NR3C2: variants seen among roughly 807,000 people sequenced by gnomAD.
NR3C2 encodes the protein mineralocorticoid receptor.
NR3C2 carries 15 observed loss-of-function variants against 86.4 expected under a neutral mutation model. The ratio of observed to expected loss-of-function variants is 0.17; its 90% CI spans 0.12 to 0.27. The LOEUF (loss-of-function observed/expected upper bound fraction) is 0.27, where lower values mean the gene tolerates loss of function less well. Among genes scored for constraint, NR3C2 ranks in the 10% least tolerant of loss-of-function variants. The pLI, the probability that NR3C2 is intolerant of heterozygous loss-of-function variation, is 1.00. For synonymous variants in NR3C2, 458 were observed against 450.5 expected, an observed-to-expected ratio of 1.02 and a Z score of -0.21; for missense variants, 960 against 1,195.6, an observed-to-expected ratio of 0.80 and a Z score of 2.91.
intron 6 of NR3C2, among the ~76,000 whole-genome samples, chr4:148,133,540 C>A (rs1733134007): frequency 6.6e-6 from 1 of 152,206 alleles, no homozygotes; most frequent in Non-Finnish European, 1.5e-5. Context: ...CGTTACCAGA[C>A]TATTGTTTGG....
At chr4:148,104,158 T>C (rs1377095169) in intron 8 of NR3C2, among the ~76,000 whole-genome samples, 2 of 152,160 alleles carry the variant, frequency 1.3e-5, no homozygotes, top group African/African-American at 4.8e-5. Context: ...CCACCACCTC[T>C]CACTGTAAGC....
chr4:148,177,240 A>G (rs1327458598), intron 4 of NR3C2, among the ~76,000 whole-genome samples: 2 of 152,224 alleles, frequency 1.3e-5, no homozygotes, highest in Non-Finnish European at 2.9e-5. Context: ...GCATTTTATA[A>G]TTTGACAAAT....
rs72645619 is a variant in NR3C2, at chr4:148,430,516, T to A, written c.1757+4588A>T. On this transcript the variant is annotated intron_variant, in intron 2 of 8. Transcript: ENST00000358102. The stretch of plus-strand genomic sequence containing the variant: ...CATTTTAAAATAATTTACAAAAATA[T>A]TTAAAATATTTACCTGGTGAAATTC... Among the ~76,000 whole-genome samples the A allele has an allele frequency of 2.3e-3, 344 of 152,260 alleles. 1 individual carries two copies. The highest frequency in any genetic ancestry group is 7.3e-3 in the African/African-American group (303 of 41,544).
At chr4:148,304,954 A>G (rs1742539122) in intron 2 of NR3C2, among the ~76,000 whole-genome samples, 1 of 150,666 alleles carries the variant, frequency 6.6e-6, no homozygotes, top group Non-Finnish European at 1.5e-5. Context: ...TCACCTTTCA[A>G]TGTGTCCACA....
rs944211232 is a variant in NR3C2 at position 148,436,269 on chromosome 4, G to A, written c.592C>T (p.Leu198=). Residue 198 remains leucine (L), a synonymous_variant, in exon 2 of 9, where the codon CTG becomes TTG. Transcript: ENST00000358102. ...CTGCAAACCGAAGATGTCATGTTCAGAGGGCTGCAAACAGACGGGCTTTTC... is the reference window on the plus strand; with the variant it reads ...CTGCAAACCGAAGATGTCATGTTCAAAGGGCTGCAAACAGACGGGCTTTTC... ...HEKSPSVCSP[L]NMTSSVCSPA... 6 of 1,614,090 alleles carry A rather than the reference G, an allele frequency of 3.7e-6. No homozygotes were observed. The African/African-American group carries it at 8.0e-5, about 22-fold the overall frequency.
chr4:148,090,144 G>A lies in NR3C2; in HGVS notation c.2800-8645C>T, dbSNP rs17304693. ...TCACCATCTATCCAGCTAAGTCCCC[G>A]AGCACCTGCTCTGTGCCAGGCACTG... On this transcript the variant is annotated intron_variant, in intron 8 of 8. Transcript: ENST00000358102. Among the ~76,000 whole-genome samples the A allele has an allele frequency of 4.6e-3, 694 of 152,178 alleles. 2 individuals carry two copies. Among genetic ancestry groups the A allele is most frequent in the Non-Finnish European group, 6.9e-3 (466 of 67,992 alleles).
chr4:148,364,625 G>A (rs1045434686), intron 2 of NR3C2, among the ~76,000 whole-genome samples: 10 of 152,140 alleles, frequency 6.6e-5, no homozygotes, highest in African/African-American at 2.4e-4. Context: ...TCTTCTGCAT[G>A]CATAATACTA....
At chr4:148,181,542 G>C (rs1467544481) in intron 4 of NR3C2, among the ~76,000 whole-genome samples, 1 of 152,098 alleles carries the variant, frequency 6.6e-6, no homozygotes, top group Non-Finnish European at 1.5e-5. Context: ...ACATATTTTA[G>C]GAAAAGCTCT....
chr4:148,092,501 G>A (rs77878292), intron 8 of NR3C2, among the ~76,000 whole-genome samples: 5,427 of 152,156 alleles, frequency 0.036, 309 homozygotes, highest in African/African-American at 0.12. Flanking sequence ...ACTCTTGCCC[G>A]GATTCTCGCT....
intron 2 of NR3C2, among the ~76,000 whole-genome samples, chr4:148,290,842 G>A (rs1045745395): frequency 1.5e-4 from 23 of 152,086 alleles, no homozygotes; most frequent in Non-Finnish European, 5.9e-5. Context: ...GCAATATGTG[G>A]AAAACTATGA....
At chr4:148,281,518 C>T (rs1021392842) in intron 2 of NR3C2, among the ~76,000 whole-genome samples, 9 of 152,194 alleles carry the variant, frequency 5.9e-5, no homozygotes, top group African/African-American at 2.2e-4. Context: ...GACTGCAAAA[C>T]ATTGAAATAC....
chr4:148,324,211 TC>T (rs1372216389), intron 2 of NR3C2, among the ~76,000 whole-genome samples: 1 of 152,190 alleles, frequency 6.6e-6, no homozygotes, highest in Non-Finnish European at 1.5e-5. Context: ...ATAAATAAGG[TC>T]GCACGGTATT....
intron 2 of NR3C2, among the ~76,000 whole-genome samples, chr4:148,345,829 A>T (rs967452445): frequency 6.6e-6 from 1 of 152,104 alleles, no homozygotes; most frequent in African/African-American, 2.4e-5. Context: ...CACACTACAC[A>T]TATGGTAGAG....
chr4:148,318,176 T>C (rs1222288289), intron 2 of NR3C2, among the ~76,000 whole-genome samples: 1 of 151,808 alleles, frequency 6.6e-6, no homozygotes, highest in African/African-American at 2.4e-5. Flanking sequence ...ATTTCCAATT[T>C]CATCCATGTC....
chr4:148,419,589 C>T (rs1280523476), intron 2 of NR3C2, among the ~76,000 whole-genome samples: 32 of 152,114 alleles, frequency 2.1e-4, no homozygotes. Context: ...ATTCGTGGGA[C>T]CAATTTAATG....
intron 2 of NR3C2, among the ~76,000 whole-genome samples, chr4:148,282,375 G>A (rs1741293054): frequency 6.6e-6 from 1 of 152,072 alleles, no homozygotes; most frequent in African/African-American, 2.4e-5. Context: ...TTCCTACATG[G>A]TAGGCTCAGA....
intron 8 of NR3C2, among the ~76,000 whole-genome samples, chr4:148,087,025 CCAT>C (rs1315873500): frequency 6.6e-6 from 1 of 152,164 alleles, no homozygotes; most frequent in African/African-American, 2.4e-5. Context: ...TTAGAAAACC[CCAT>C]CATCTCAGCC....
chr4:148,252,127 A>G (rs1270343025), intron 3 of NR3C2, among the ~76,000 whole-genome samples: 1 of 152,186 alleles, frequency 6.6e-6, no homozygotes, highest in East Asian at 1.9e-4. Context: ...GATAGATAAT[A>G]ACCCCACACA....
intron 3 of NR3C2, among the ~76,000 whole-genome samples, chr4:148,257,173 A>T (rs1472319567): frequency 6.6e-6 from 1 of 152,198 alleles, no homozygotes; most frequent in Non-Finnish European, 1.5e-5. Flanking sequence ...CTGCTTCTGT[A>T]ATCTAACGAG....
Sources: allele counts gnomAD v4.1 joint callset (sites outside exome capture counted in the v4.1 genomes callset), GRCh38; gene constraint gnomAD v4.1.1; transcripts MANE v1.5; gene names NCBI Gene and HGNC (gene_info 2026-07-23, HGNC 2026-07-21).